TMEM115: variants seen among roughly 807,000 people sequenced by gnomAD.
TMEM115 encodes transmembrane protein 115.
In TMEM115, 8 loss-of-function variants were observed where a neutral mutation model predicts 20.1. The ratio of observed to expected loss-of-function variants is 0.40; its 90% CI spans 0.23 to 0.72. The LOEUF is 0.72. TMEM115 is among the 30% of genes least tolerant of loss of function. TMEM115 has a pLI of 0.39. For synonymous variants in TMEM115, 229 were observed against 206.2 expected (o/e 1.11, Z -0.95); for missense variants, 374 against 455.1 (o/e 0.82, Z 1.62).
chr3:50,355,461 T>C lies in TMEM115; in HGVS notation c.938A>G (p.Glu313Gly), dbSNP rs1326968997. Reference sequence around the variant, plus strand: ...GGGGCTGTCCACCTTGGCCCCAGACTCCTCTTCATCATCATCCATGCTGGG... The same window carrying C: ...GGGGCTGTCCACCTTGGCCCCAGACCCCTCTTCATCATCATCCATGCTGGG... ...IWPSMDDDEE[E>G]SGAKVDSPLP... Residue 313 changes from glutamate (E) to glycine (G), a missense_variant, in exon 2 of 2, where the codon GAG becomes GGG. Coordinates refer to ENST00000266025, the MANE Select transcript of TMEM115 (RefSeq NM_007024.5). 6.2e-7 allele frequency: 1 copy of C among 1,609,128 alleles called. No homozygotes were observed. Among genetic ancestry groups the C allele is most frequent in the East Asian group, 2.3e-5 (1 of 44,340 alleles).
chr3:50,357,437 G>A (rs1372411415), intron 1 of TMEM115, among the ~76,000 whole-genome samples: 5 of 152,244 alleles, frequency 3.3e-5, no homozygotes, highest in African/African-American at 1.2e-4. Flanking sequence ...TGTTGGAAAT[G>A]GAGCTGTGGA....
rs1196445386 is a variant in TMEM115 at position 50,354,762 on chromosome 3, G to T, written c.*581C>A. The T allele has an allele frequency of 6.6e-6, 1 of 152,556 alleles. No homozygotes were observed. Among genetic ancestry groups the T allele is most frequent in the Admixed American group, 6.5e-5 (1 of 15,282 alleles). 9.5% of individuals were successfully genotyped at this position (152,556 alleles called of 1,614,324 possible). A position where few individuals can be genotyped will look rare whatever the true frequency, so the allele number is the denominator to read the frequency against. On this transcript the variant is annotated 3_prime_UTR_variant, in exon 2 of 2. Transcript: ENST00000266025. The stretch of plus-strand genomic sequence containing the variant: ...AAGAGCCCAGGAGTCATTCCTCAGA[G>T]AACTGCTTTATTGATACTGCGAGCC...
chr3:50,356,738 T>C (rs1465939471), intron 1 of TMEM115, among the ~76,000 whole-genome samples: 2 of 152,160 alleles, frequency 1.3e-5, no homozygotes, highest in Non-Finnish European at 2.9e-5. Flanking sequence ...CCTGCCTCCC[T>C]CTCCTGGTAG....
rs1575570967 is a variant in TMEM115, at chr3:50,359,246, T to C, written c.-183A>G. 2.0e-6 allele frequency: 2 copies of C among 1,013,806 alleles called. No homozygotes were observed. Among genetic ancestry groups the C allele is most frequent in the South Asian group, 3.5e-5 (2 of 57,110 alleles). The allele number at this position is 1,013,806 out of a possible 1,614,324, so 62.8% of individuals were successfully genotyped here. A position where few individuals can be genotyped will look rare whatever the true frequency, so the allele number is the denominator to read the frequency against. ...TCCCGAGGGGCCGAGTCGGGCCTTG[T>C]TGCCGGGCCGCAGCGTAGGCCCCTC... is the stretch of plus-strand genomic sequence containing the variant. On this transcript the variant is annotated 5_prime_UTR_variant, in exon 1 of 2. Transcript: ENST00000266025.
In TMEM115 at chr3:50,358,314, T is replaced by TA; in HGVS notation, c.749dup (p.Ile252AspfsTer42). 6.2e-7 allele frequency: 1 copy of TA among 1,613,788 alleles called. No individual in the cohort carries two copies. On this transcript the variant is annotated frameshift_variant, in exon 1 of 2. Transcript: ENST00000266025. LOFTEE classifies it high-confidence loss of function. ...GCTTCACCGTCTTCTGGCATATCTT[T>TA]ACCTTCACCAGGAGGCTGTGCACCA...
chr3:50,355,636 T>G, intron 1 of TMEM115, 89 bp from the exon 2 acceptor site: 1 of 1,183,700 alleles, frequency 8.4e-7, no homozygotes, highest in Non-Finnish European at 1.2e-6. Flanking sequence ...CTCCTCACCG[T>G]ACCACCTAGA....
Position 50,358,234 on chromosome 3 carries a change from G to C in TMEM115, c.830C>G (p.Pro277Arg), listed in dbSNP as rs138621566. 6 of 1,613,220 alleles carry C rather than the reference G, an allele frequency of 3.7e-6. No individual in the cohort carries two copies. Among genetic ancestry groups the C allele is most frequent in the Non-Finnish European group, 5.1e-6 (6 of 1,179,370 alleles). The change falls in exon 1 of 2, where the codon CCT becomes CGT. Residue 277 changes from proline (P) to arginine (R), a missense_variant. By Grantham distance (103) the Pro-to-Arg change is moderately radical (BLOSUM62 -2). Coordinates refer to ENST00000266025, the MANE Select transcript of TMEM115 (RefSeq NM_007024.5). ...GTACCTTCTCCGCTCGGCGTCTTGA[G>C]GGTCTGTGCCTGGCAGGCTGATGGT... ...SITISLPGTDPQDAERRRQLA... is the reference protein window; with the variant it reads ...SITISLPGTDRQDAERRRQLA...
At position 50,359,514 on chromosome 3, in the gene TMEM115, A is replaced by C; in HGVS notation, c.-451T>G. 6.2e-6 allele frequency: 1 copy of C among 160,096 alleles called. No homozygotes were observed. The highest frequency in any genetic ancestry group is 1.4e-5 in the Non-Finnish European group (1 of 72,714). 9.9% of individuals were successfully genotyped at this position (160,096 alleles called of 1,614,324 possible). ...ACCTCTTCTCTCGGGGGGCCGACAA[A>C]CAGGGGTGCTGCGCCTGCGCGTCCC... On this transcript the variant is annotated 5_prime_UTR_variant, in exon 1 of 2. Coordinates refer to ENST00000266025, the MANE Select transcript of TMEM115 (RefSeq NM_007024.5).
chr3:50,355,785 CG>C, intron 1 of TMEM115, among the ~76,000 whole-genome samples: 1 of 152,322 alleles, frequency 6.6e-6, no homozygotes, highest in South Asian at 2.1e-4. Context: ...GAGGCACCTC[CG>C]GGATGGGAAG....
At chr3:50,356,176 A>G (rs1037346474) in intron 1 of TMEM115, among the ~76,000 whole-genome samples, 6 of 152,242 alleles carry the variant, frequency 3.9e-5, no homozygotes, top group African/African-American at 1.2e-4. Context: ...GCAGGGACTT[A>G]GCGGAGCCCT....
Position 50,358,625 on chromosome 3 carries a change from C to A in TMEM115, c.439G>T (p.Val147Leu). The change falls in exon 1 of 2, where the codon GTG (valine) becomes TTG (leucine). Residue 147 changes from valine to leucine, a missense_variant. By Grantham distance (32) the Val-to-Leu change is conservative. Coordinates refer to ENST00000266025, the MANE Select transcript of TMEM115 (RefSeq NM_007024.5). ...GALGFLGGVL[V>L]ALKQTMGDCV... is the part of the protein sequence containing the mutation. ...TCCCCCATGGTTTGCTTGAGTGCCA[C>A]CAGGACGCCACCTAGGAAGCCCAAG... The A allele has an allele frequency of 6.2e-7, 1 of 1,612,824 alleles. No homozygotes were observed. Among genetic ancestry groups the A allele is most frequent in the Non-Finnish European group, 8.5e-7 (1 of 1,179,792 alleles).
chr3:50,358,817 C>A lies in TMEM115; in HGVS notation c.247G>T (p.Val83Leu). The A allele has an allele frequency of 1.9e-6, 3 of 1,613,302 alleles. No homozygotes were observed. The highest frequency in any genetic ancestry group is 2.5e-6 in the Non-Finnish European group (3 of 1,180,048). ...WDVAISLTTV[V>L]VAGRLLEPLW... ...GGCTCCAGCAAACGCCCGGCCACCA[C>A]CACCGTTGTCAGGCTGATGGCCACG... is the stretch of plus-strand genomic sequence containing the variant. Residue 83 changes from valine (V) to leucine (L), a missense_variant, in exon 1 of 2, where the codon GTG becomes TTG. Physicochemically the swap from Val to Leu is conservative, Grantham distance 32. Coordinates refer to ENST00000266025, the MANE Select transcript of TMEM115 (RefSeq NM_007024.5).
At position 50,355,290 on chromosome 3, in the gene TMEM115, G is replaced by T; in HGVS notation, c.*53C>A. On this transcript the variant is annotated 3_prime_UTR_variant, in exon 2 of 2. Transcript: ENST00000266025. ...GTCAGGTGCCCTGGAGTAGCTGAGA[G>T]GATGTCAAGGGGGGCTTGGGAGGGG... 2 of 1,337,946 alleles carry T rather than the reference G, an allele frequency of 1.5e-6. No individual in the cohort carries two copies. The highest frequency in any genetic ancestry group is 1.5e-5 in the South Asian group (1 of 65,002). The allele number at this position is 1,337,946 out of a possible 1,614,324, so 82.9% of individuals were successfully genotyped here.
In TMEM115 at chr3:50,355,351, T is replaced by C; in HGVS notation, c.1048A>G (p.Thr350Ala). 2.7e-6 allele frequency: 4 copies of C among 1,492,904 alleles called. No individual in the cohort carries two copies. Among genetic ancestry groups the C allele is most frequent in the Middle Eastern group, 1.8e-4 (1 of 5,548 alleles). 92.5% of individuals were successfully genotyped at this position (1,492,904 alleles called of 1,614,324 possible). Residue 350 changes from threonine (T) to alanine (A), a missense_variant, in exon 2 of 2, where the codon ACG becomes GCG. By Grantham distance (58) the Thr-to-Ala change is moderately conservative. Coordinates refer to ENST00000266025, the MANE Select transcript of TMEM115 (RefSeq NM_007024.5). ...SLITFEAAPP[T>A]L ...CTCAAGGTGGTCTGGAGTTACAGCG[T>C]CGGGGGAGCTGCCTCGAAGGTGATT...
At chr3:50,357,444 T>C (rs1378474118) in intron 1 of TMEM115, among the ~76,000 whole-genome samples, 2 of 152,226 alleles carry the variant, frequency 1.3e-5, no homozygotes, top group African/African-American at 4.8e-5. Flanking sequence ...AATGGAGCTG[T>C]GGATCTTATG....
chr3:50,357,860 AG>A (rs967809601), intron 1 of TMEM115, among the ~76,000 whole-genome samples: 7 of 152,234 alleles, frequency 4.6e-5, no homozygotes, highest in African/African-American at 1.4e-4. Flanking sequence ...CCTTCCTCAC[AG>A]GGGAAAGTAC....
Position 50,358,717 on chromosome 3 carries a change from G to A in TMEM115, c.347C>T (p.Ala116Val). 4 of 1,613,546 alleles carry A rather than the reference G, an allele frequency of 2.5e-6. No homozygotes were observed. Among genetic ancestry groups the A allele is most frequent in the Middle Eastern group, 1.6e-4 (1 of 6,062 alleles). Residue 116 changes from alanine to valine, a missense_variant, in exon 1 of 2, where the codon GCC (alanine) becomes GTC (valine). Physicochemically the swap from Ala to Val is moderately conservative, Grantham distance 64. Coordinates refer to ENST00000266025, the MANE Select transcript of TMEM115 (RefSeq NM_007024.5). ...NVSVGLLGAF[A>V]YLLTYMASFN... ...GGAAGCCATGTAGGTGAGGAGGTAG[G>A]CGAAGGCCCCCAGCAGCCCTACAGA...
At chr3:50,357,106 C>A (rs1337248854) in intron 1 of TMEM115, among the ~76,000 whole-genome samples, 1 of 152,180 alleles carries the variant, frequency 6.6e-6, no homozygotes, top group Non-Finnish European at 1.5e-5. Context: ...GGGCTTATCA[C>A]CTATAAAGAC....
rs1425253151 is a variant in TMEM115, at chr3:50,358,289, G to A, written c.775C>T (p.Arg259Cys). The A allele has an allele frequency of 1.9e-6, 3 of 1,613,788 alleles. No individual in the cohort carries two copies. The highest frequency in any genetic ancestry group is 1.6e-4 in the Middle Eastern group (1 of 6,062). The part of the protein sequence containing the change: ...KVKICQKTVK[R>C]YDVGAPSSIT... ...GAGGATGGGGCACCCACATCGTAGCGCTTCACCGTCTTCTGGCATATCTTT... is the reference window on the plus strand; with the variant it reads ...GAGGATGGGGCACCCACATCGTAGCACTTCACCGTCTTCTGGCATATCTTT... The change falls in exon 1 of 2, where the codon CGC becomes TGC. Residue 259 changes from arginine (R) to cysteine (C), a missense_variant. Coordinates refer to ENST00000266025, the MANE Select transcript of TMEM115 (RefSeq NM_007024.5).
Sources: allele counts gnomAD v4.1 joint callset (sites outside exome capture counted in the v4.1 genomes callset), GRCh38; gene constraint gnomAD v4.1.1; transcripts MANE v1.5; gene names NCBI Gene and HGNC (gene_info 2026-07-23, HGNC 2026-07-21).